The following BRD8 variants were observed in gnomAD, a reference collection of about 807,000 sequenced individuals.
BRD8 encodes bromodomain containing 8.
BRD8 carries 67 observed loss-of-function variants against 143.1 expected under a neutral mutation model. That is an observed-to-expected ratio of 0.47 (90% CI 0.38 to 0.57). BRD8 has a LOEUF of 0.57. Ranked by LOEUF, BRD8 falls within the 20% of genes least tolerant of loss-of-function variation. BRD8 has a pLI of 0.00. For synonymous variants in BRD8, 505 were observed against 517.1 expected, an observed-to-expected ratio of 0.98 and a Z score of 0.32; for missense variants, 1,103 against 1,503.0, an observed-to-expected ratio of 0.73 and a Z score of 4.40.
Position 138,166,545 on chromosome 5 carries a change from C to G in BRD8, c.970G>C (p.Val324Leu). 2 of 1,613,058 alleles carry G rather than the reference C, an allele frequency of 1.2e-6. No homozygotes were observed. Among genetic ancestry groups the G allele is most frequent in the Non-Finnish European group, 1.7e-6 (2 of 1,179,424 alleles). ...GGAGCTACACTTTCAGTAGTGGAGACAGCCGGAGCAGAGGATGGTGCTGGC... is the reference window on the plus strand; with the variant it reads ...GGAGCTACACTTTCAGTAGTGGAGAGAGCCGGAGCAGAGGATGGTGCTGGC... Reference protein sequence around the residue: ...ALPAPSSAPAVSTTESVAPVS... With the variant: ...ALPAPSSAPALSTTESVAPVS... The change falls in exon 10 of 27, where the codon GTC becomes CTC. Residue 324 changes from valine to leucine, a missense_variant. Val to Leu is a conservative substitution (Grantham distance 32). Transcript: ENST00000254900.
intron 9 of BRD8, chr5:138,166,947 T>A: frequency 2.1e-6 from 1 of 470,230 alleles, no homozygotes; most frequent in African/African-American, 2.0e-5. Context: ...ACAACATATA[T>A]AAAAAATGGG....
chr5:138,156,590 T>G (rs554960935), intron 20 of BRD8, among the ~76,000 whole-genome samples: 226 of 152,262 alleles, frequency 1.5e-3, no homozygotes, highest in Non-Finnish European at 2.6e-3. Context: ...GCTCTAATCT[T>G]CTTTAAGCAA....
rs1185710080 is a variant in BRD8 at position 138,170,338 on chromosome 5, A to C, written c.505+7T>G. On this transcript the variant is annotated splice_region_variant and intron_variant, in intron 7 of 26. Coordinates refer to ENST00000254900, the MANE Select transcript of BRD8 (RefSeq NM_139199.2). ...ATTGCTAAAGAGGCATACTAGGTTC[A>C]GCTTACCCTGGTATGCAGCATCTGT... 3.8e-6 allele frequency: 6 copies of C among 1,595,584 alleles called. No homozygotes were observed. The highest frequency in any genetic ancestry group is 5.2e-6 in the Non-Finnish European group (6 of 1,163,172).
chr5:138,176,801 TTAAAA>T (rs777357469), intron 2 of BRD8, among the ~76,000 whole-genome samples: 83 of 151,926 alleles, frequency 5.5e-4, no homozygotes, highest in Admixed American at 2.1e-3. Context: ...ATAAAGCTGT[TTAAAA>T]AAAGAAATAC....
chr5:138,170,811 G>A (rs1331988891), intron 6 of BRD8, 21 bp downstream of exon 6: 1 of 1,597,752 alleles, frequency 6.3e-7, no homozygotes, highest in Non-Finnish European at 8.6e-7. Flanking sequence ...AAGCACAGAA[G>A]AACAATATAA....
At chr5:138,151,480 G>A (rs548363256) in intron 21 of BRD8, among the ~76,000 whole-genome samples, 3 of 152,248 alleles carry the variant, frequency 2.0e-5, no homozygotes, top group Admixed American at 6.5e-5. Context: ...CCAAGGTAAT[G>A]ACACTTAAAA....
At chr5:138,166,464 TCTAA>T in intron 10 of BRD8, 50 bp downstream of exon 10, 1 of 1,230,326 alleles carries the variant, frequency 8.1e-7, no homozygotes, top group Non-Finnish European at 1.1e-6. Context: ...GTCATTTTTC[TCTAA>T]CTAAAGCTCA....
intron 25 of BRD8, among the ~76,000 whole-genome samples, chr5:138,141,152 G>A (rs542741790): frequency 4.0e-4 from 60 of 148,518 alleles, no homozygotes; most frequent in African/African-American, 1.4e-3. Context: ...TTTTTGAGTC[G>A]GAGTTTCACT....
chr5:138,160,061 C>G lies in BRD8; in HGVS notation c.2532+8G>C, dbSNP rs373221731. The G allele has an allele frequency of 2.5e-6, 4 of 1,606,776 alleles. No homozygotes were observed. In the African/African-American group the frequency reaches 5.4e-5, roughly 21 times the overall value. On this transcript the variant is annotated splice_region_variant and intron_variant, in intron 19 of 26. Coordinates refer to ENST00000254900, the MANE Select transcript of BRD8 (RefSeq NM_139199.2). ...ACTGGCACACAGGTTCCTTCCTGAT[C>G]GCCTCACCTTCTCTGAAGCATCCTG...
At chr5:138,142,355 T>C (rs994844894) in intron 25 of BRD8, among the ~76,000 whole-genome samples, 1 of 152,164 alleles carries the variant, frequency 6.6e-6, no homozygotes, top group Admixed American at 6.5e-5. Context: ...TTATCCAGCC[T>C]GTGGTATTGT....
At chr5:138,144,772 C>T (rs1752068889) in intron 25 of BRD8, among the ~76,000 whole-genome samples, 1 of 151,554 alleles carries the variant, frequency 6.6e-6, no homozygotes, top group African/African-American at 2.4e-5. Flanking sequence ...CGTGATGGCT[C>T]ATGCTTGTAG....
chr5:138,150,681 C>G, intron 22 of BRD8, 64 bp downstream of exon 22: 1 of 1,514,982 alleles, frequency 6.6e-7, no homozygotes, highest in Admixed American at 2.2e-5. Flanking sequence ...TGTGCTCTAA[C>G]TACTCTGTTC....
At chr5:138,141,384 C>T (rs548348580) in intron 25 of BRD8, among the ~76,000 whole-genome samples, 193 of 152,336 alleles carry the variant, frequency 1.3e-3, no homozygotes, top group African/African-American at 4.3e-3. Context: ...CCTTCCTTGG[C>T]CTCCCAAAGT....
At chr5:138,155,908 C>T (rs1037897972) in intron 20 of BRD8, among the ~76,000 whole-genome samples, 3 of 152,054 alleles carry the variant, frequency 2.0e-5, no homozygotes, top group Non-Finnish European at 4.4e-5. Context: ...GGGTCTTGCT[C>T]TTTCACCCAG....
At chr5:138,166,265 T>C in intron 10 of BRD8, 157 bp from the exon 11 acceptor site, 1 of 651,792 alleles carries the variant, frequency 1.5e-6, no homozygotes, top group Non-Finnish European at 2.6e-6. Flanking sequence ...TCCCCAGTTT[T>C]ATCTAGAAAG....
At chr5:138,177,013 A>G (rs1035514287) in intron 2 of BRD8, among the ~76,000 whole-genome samples, 3 of 150,128 alleles carry the variant, frequency 2.0e-5, no homozygotes, top group African/African-American at 7.4e-5. Context: ...TTTGAGCCTG[A>G]GATATGGAGG....
rs753810253 is a variant in BRD8 at position 138,170,395 on chromosome 5, T to G, written c.455A>C (p.Glu152Ala). The G allele has an allele frequency of 1.2e-6, 2 of 1,614,084 alleles. No homozygotes were observed. Among genetic ancestry groups the G allele is most frequent in the Non-Finnish European group, 1.7e-6 (2 of 1,180,000 alleles). Residue 152 changes from glutamate to alanine, a missense_variant, in exon 7 of 27, where the codon GAA becomes GCA. Around this residue, in one of 7 missense-constraint regions of BRD8, gnomAD observed 334 missense variants for 372.5 expected, o/e 0.90. Transcript: ENST00000254900. ...CNDIATKKKL[E>A]EEEAEVKRKA... is the part of the protein sequence containing the mutation. ...CCTCTTTACTTCAGCCTCCTCTTCT[T>G]CCAATTTCTTTTTCCTAAACAGGGA...
chr5:138,145,432 A>G (rs909917527), intron 24 of BRD8, among the ~76,000 whole-genome samples, 187 bp from the exon 25 acceptor site: 1 of 152,200 alleles, frequency 6.6e-6, no homozygotes, highest in African/African-American at 2.4e-5. Context: ...ATATTTCACT[A>G]TTATTACAAT....
chr5:138,143,189 G>A (rs1027583240), intron 25 of BRD8, among the ~76,000 whole-genome samples: 8 of 152,170 alleles, frequency 5.3e-5, no homozygotes, highest in Non-Finnish European at 1.0e-4. Context: ...GGAGGCTGAG[G>A]TGGAAGGATT....
Sources: gnomAD v4.1 joint callset for allele counts (sites outside exome capture counted in the v4.1 genomes callset) on GRCh38, gnomAD v4.1.1 for gene constraint, gnomAD v4.1.1 regional missense constraint, MANE v1.5 for transcripts, NCBI Gene and HGNC (gene_info 2026-07-23, HGNC 2026-07-21) for gene names.